The following NCAM1 variants were observed in gnomAD, a reference collection of about 807,000 sequenced individuals.
NCAM1 encodes the protein neural cell adhesion molecule 1.
Under a neutral mutation model 109.8 loss-of-function variants are expected in NCAM1, and 14 were observed. The ratio of observed to expected loss-of-function variants is 0.13; its 90% CI spans 0.08 to 0.20. NCAM1 has a LOEUF of 0.20. Among genes scored for constraint, NCAM1 ranks in the 10% least tolerant of loss-of-function variants. NCAM1 has a pLI of 1.00. For synonymous variants in NCAM1, 418 were observed against 442.9 expected, an observed-to-expected ratio of 0.94 and a Z score of 0.70; for missense variants, 774 against 1,109.9, an observed-to-expected ratio of 0.70 and a Z score of 4.30.
intron 1 of NCAM1, among the ~76,000 whole-genome samples, chr11:112,970,644 G>T (rs1366936678): frequency 6.6e-6 from 1 of 152,112 alleles, no homozygotes; most frequent in African/African-American, 2.4e-5. Context: ...AACAAAATAA[G>T]ATAATATATG....
intron 1 of NCAM1, among the ~76,000 whole-genome samples, chr11:113,005,892 C>A (rs148610882): frequency 1.5e-3 from 236 of 152,270 alleles, no homozygotes; most frequent in African/African-American, 5.1e-3. Flanking sequence ...TTTGGTTATT[C>A]TGATTTTTTT....
intron 1 of NCAM1, among the ~76,000 whole-genome samples, chr11:113,010,724 A>C (rs1465501696): frequency 2.6e-5 from 4 of 152,234 alleles, no homozygotes; most frequent in Non-Finnish European, 5.9e-5. Flanking sequence ...TAATTTAATT[A>C]ATTTCAAGTA....
chr11:113,072,501 A>AT lies in NCAM1; in HGVS notation c.52+110837_52+110838insT, dbSNP rs1213328233. The stretch of plus-strand genomic sequence containing the variant: ...GGGATAACTAGAGAGAGAAAAAAAA[A>AT]GCCAAATAAATCTAGACTGGACCCG... On this transcript the variant is annotated intron_variant, in intron 1 of 19. Transcript: ENST00000316851. Among the ~76,000 whole-genome samples the AT allele has an allele frequency of 2.6e-5, 4 of 152,182 alleles. No individual in the cohort carries two copies. In the East Asian group the frequency reaches 7.7e-4, roughly 29 times the overall value.
chr11:113,102,652 T>C (rs1555091743), intron 1 of NCAM1, among the ~76,000 whole-genome samples: 1 of 152,216 alleles, frequency 6.6e-6, no homozygotes, highest in Non-Finnish European at 1.5e-5. Context: ...ACTTACTTAC[T>C]TTCTTTGAAT....
At chr11:113,070,190 G>A (rs1272766984) in intron 1 of NCAM1, among the ~76,000 whole-genome samples, 3 of 152,098 alleles carry the variant, frequency 2.0e-5, no homozygotes, top group Non-Finnish European at 4.4e-5. Flanking sequence ...TGGCTTGGGT[G>A]CTGAATGACG....
chr11:113,104,234 G>A (rs1015099750), intron 1 of NCAM1, among the ~76,000 whole-genome samples: 5 of 150,210 alleles, frequency 3.3e-5, no homozygotes, highest in East Asian at 2.0e-4. Context: ...TGGTGGTGGC[G>A]GTGCAGGGGA....
rs1555073917 is a variant in NCAM1 at position 113,009,316 on chromosome 11, T to TGTTGTTGTTG, written c.52+47652_52+47653insGTTGTTGTTG. The stretch of plus-strand genomic sequence containing the variant: ...TAATTGGAAGGGTTTTTTCGGGTTT[T>TGTTGTTGTTG]TTTTTTTTTTTTTTTTTTTTTTTTT... On this transcript the variant is annotated intron_variant, in intron 1 of 19. Coordinates refer to ENST00000316851, the MANE Select transcript of NCAM1 (RefSeq NM_181351.5). Among the ~76,000 whole-genome samples the TGTTGTTGTTG allele has an allele frequency of 6.2e-4, 62 of 99,238 alleles. 2 individuals are homozygous for TGTTGTTGTTG. The highest frequency in any genetic ancestry group is 2.3e-3 in the East Asian group (7 of 3,082). 65.1% of individuals were successfully genotyped at this position (99,238 alleles called of 152,430 possible). A position where few individuals can be genotyped will look rare whatever the true frequency, so the allele number is the denominator to read the frequency against.
chr11:113,073,050 T>G (rs1259773954), intron 1 of NCAM1, among the ~76,000 whole-genome samples: 1 of 152,212 alleles, frequency 6.6e-6, no homozygotes, highest in Non-Finnish European at 1.5e-5. Flanking sequence ...CGTTCTACTT[T>G]CTGTCTCTAG....
At chr11:112,974,320 C>T (rs888261118) in intron 1 of NCAM1, among the ~76,000 whole-genome samples, 1 of 151,908 alleles carries the variant, frequency 6.6e-6, no homozygotes, top group Non-Finnish European at 1.5e-5. Context: ...TGTTGTATCT[C>T]CTTTTGTGTT....
At chr11:113,017,872 A>C (rs546183330) in intron 1 of NCAM1, among the ~76,000 whole-genome samples, 2 of 152,198 alleles carry the variant, frequency 1.3e-5, no homozygotes, top group Non-Finnish European at 2.9e-5. Flanking sequence ...ATCTTGGCCT[A>C]TCTAATGCAA....
chr11:113,256,082 C>G, intron 16 of NCAM1, 81 bp downstream of exon 16: 2 of 1,521,106 alleles, frequency 1.3e-6, no homozygotes, highest in Admixed American at 4.0e-5. Context: ...AGGGGCAGCC[C>G]ACGGGGCAGG....
At chr11:113,169,224 G>A (rs1028911384) in intron 1 of NCAM1, among the ~76,000 whole-genome samples, 1 of 152,120 alleles carries the variant, frequency 6.6e-6, no homozygotes, top group African/African-American at 2.4e-5. Context: ...GGTTTAATGG[G>A]CAGCTAGACA....
At chr11:113,153,046 AT>A (rs34180130) in intron 1 of NCAM1, among the ~76,000 whole-genome samples, 7,413 of 147,426 alleles carry the variant, frequency 0.05, 354 homozygotes, top group African/African-American at 0.13. Flanking sequence ...AATGTCTATA[AT>A]TTTTTTTTTT....
chr11:113,173,881 G>A (rs997361359), intron 1 of NCAM1, among the ~76,000 whole-genome samples: 3 of 151,912 alleles, frequency 2.0e-5, no homozygotes, highest in Non-Finnish European at 1.5e-5. Context: ...GAGTAAAGAT[G>A]GTGGACTTGG....
chr11:112,969,870 G>A lies in NCAM1; in HGVS notation c.52+8206G>A, dbSNP rs7101773. Among the ~76,000 whole-genome samples, 473 of 152,284 alleles carry A rather than the reference G, an allele frequency of 3.1e-3. 1 individual carries two copies. Among genetic ancestry groups the A allele is most frequent in the African/African-American group, 0.011 (440 of 41,570 alleles). On this transcript the variant is annotated intron_variant, in intron 1 of 19. Transcript: ENST00000316851. Reference sequence around the variant, plus strand: ...ACTTTTGCTTAGTTCAAGCTGCGAAGAAATCATGAAAGATATTATATCAGT... The same window carrying A: ...ACTTTTGCTTAGTTCAAGCTGCGAAAAAATCATGAAAGATATTATATCAGT...
chr11:113,274,799 A>G lies in NCAM1; in HGVS notation c.2457-468A>G, dbSNP rs1239545693. Among the ~76,000 whole-genome samples, 2 of 152,184 alleles carry G rather than the reference A, an allele frequency of 1.3e-5. No individual in the cohort carries two copies. The highest frequency in any genetic ancestry group is 2.9e-5 in the Non-Finnish European group (2 of 68,016). The stretch of plus-strand genomic sequence containing the variant: ...GAAGGGACAGGCAAGAGTGGGTTGC[A>G]AAGGGGCCCCTGAAATCAGTGCTGG... On this transcript the variant is annotated intron_variant, in intron 19 of 19. Coordinates refer to ENST00000316851, the MANE Select transcript of NCAM1 (RefSeq NM_181351.5). The surrounding 1 kb of genome is among the most constrained non-coding windows in gnomAD (Gnocchi z 4.1).
chr11:113,194,241 A>G (rs1943784632), intron 1 of NCAM1, among the ~76,000 whole-genome samples: 1 of 152,196 alleles, frequency 6.6e-6, no homozygotes, highest in East Asian at 1.9e-4. Context: ...CTCGGTTGTG[A>G]AGGGATATTC....
Position 113,207,891 on chromosome 11 carries a change from A to G in NCAM1, c.805A>G (p.Ser269Gly). 1.2e-6 allele frequency: 2 copies of G among 1,612,336 alleles called. No individual in the cohort carries two copies. Among genetic ancestry groups the G allele is most frequent in the African/African-American group, 1.3e-5 (1 of 75,036 alleles). Residue 269 changes from serine (S) to glycine (G), a missense_variant, in exon 7 of 20, where the codon AGT becomes GGT. This residue lies in a region of NCAM1 where 523 missense variants were observed against 784.2 expected (regional missense o/e 0.67). Coordinates refer to ENST00000316851, the MANE Select transcript of NCAM1 (RefSeq NM_181351.5). Reference protein sequence around the residue: ...DDEKYIFSDDSSQLTIKKVDK... With the variant: ...DDEKYIFSDDGSQLTIKKVDK... ...TGAGAAGTACATCTTCAGCGACGAT[A>G]GTTCCCAGCTGACCATCAAAAAGGT... is the stretch of plus-strand genomic sequence containing the variant.
intron 1 of NCAM1, among the ~76,000 whole-genome samples, chr11:113,070,505 G>T (rs1938211251): frequency 6.6e-6 from 1 of 152,106 alleles, no homozygotes; most frequent in African/African-American, 2.4e-5. Flanking sequence ...GTGGACTGAA[G>T]GGCATCAGGC....
Sources: allele counts gnomAD v4.1 joint callset (sites outside exome capture counted in the v4.1 genomes callset), GRCh38; gene constraint gnomAD v4.1.1; regional missense constraint gnomAD v4.1.1; non-coding constraint Gnocchi (gnomAD v3.1); transcripts MANE v1.5; gene names NCBI Gene and HGNC (gene_info 2026-07-23, HGNC 2026-07-21).